Variants in PALS2 observed in about 807,000 individuals in gnomAD.
PALS2 encodes protein PALS2.
PALS2 carries 27 observed loss-of-function variants against 61.6 expected under a neutral mutation model. The observed-to-expected ratio is 0.44, with a 90% CI of 0.32 to 0.60. The LOEUF is 0.60. Ranked by LOEUF, PALS2 falls within the 20% of genes least tolerant of loss-of-function variation. The pLI is 0.05. For missense variants in PALS2, 554 were observed against 639.4 expected, an observed-to-expected ratio of 0.87 and a Z score of 1.44; for synonymous variants, 236 against 218.6, an observed-to-expected ratio of 1.08 and a Z score of -0.70.
intron 2 of PALS2, among the ~76,000 whole-genome samples, chr7:24,636,338 A>G (rs1380336950): frequency 1.3e-5 from 2 of 151,936 alleles, no homozygotes; most frequent in East Asian, 1.9e-4. Flanking sequence ...TCTCATTAGC[A>G]TGATGTGTTA....
chr7:24,669,968 A>G (rs1441521278), intron 9 of PALS2, among the ~76,000 whole-genome samples: 1 of 152,214 alleles, frequency 6.6e-6, no homozygotes, highest in Non-Finnish European at 1.5e-5. Flanking sequence ...TCTTAAAGAC[A>G]TATAATGGGG....
chr7:24,595,409 AT>A (rs956807293), intron 1 of PALS2, among the ~76,000 whole-genome samples: 3 of 142,164 alleles, frequency 2.1e-5, no homozygotes, highest in Non-Finnish European at 3.0e-5. Flanking sequence ...TATATAAAAA[AT>A]ATATATAAAT....
chr7:24,680,636 C>A, intron 11 of PALS2, 116 bp downstream of exon 11: 1 of 1,317,458 alleles, frequency 7.6e-7, no homozygotes, highest in Non-Finnish European at 1.0e-6. Flanking sequence ...TGCTTTGTCA[C>A]CCAGGCTGGA....
In PALS2 at chr7:24,690,973, T is replaced by C. The variant is rs1290069954; in HGVS notation, c.*3359T>C. 1.3e-5 allele frequency: 2 copies of C among 152,188 alleles called. No individual in the cohort carries two copies. The highest frequency in any genetic ancestry group is 4.8e-5 in the African/African-American group (2 of 41,454). 9.4% of individuals were successfully genotyped at this position (152,188 alleles called of 1,614,324 possible). ...AACCCAAGTTAGCAATAAAACCATG[T>C]GACATTATAGATTATGTCCAGATAC... On this transcript the variant is annotated 3_prime_UTR_variant, in exon 12 of 12. Coordinates refer to ENST00000222644, the MANE Select transcript of PALS2 (RefSeq NM_001303037.2).
At chr7:24,680,189 C>T (rs550087470) in intron 10 of PALS2, among the ~76,000 whole-genome samples, 1 of 152,246 alleles carries the variant, frequency 6.6e-6, no homozygotes, top group South Asian at 2.1e-4. Context: ...TCAAGAGGAA[C>T]AGACTGAGTT....
intron 1 of PALS2, among the ~76,000 whole-genome samples, chr7:24,615,594 TA>T (rs201505894): frequency 1.3e-5 from 2 of 150,162 alleles, no homozygotes; most frequent in African/African-American, 2.4e-5. Flanking sequence ...GAATCAGTAA[TA>T]AAAAAAAAGA....
chr7:24,659,093 A>AG (rs1289123911), intron 5 of PALS2, among the ~76,000 whole-genome samples: 2 of 152,322 alleles, frequency 1.3e-5, no homozygotes, highest in African/African-American at 4.8e-5. Context: ...TACAAGTGAG[A>AG]ACATGCAATA....
rs1037187808 is a variant in PALS2, at chr7:24,671,486, C to T, written c.1114+2826C>T. 2.6e-5 allele frequency among the ~76,000 whole-genome samples: 4 copies of T among 152,094 alleles called. No homozygotes were observed. The South Asian group carries it at 6.2e-4, about 24-fold the overall frequency. On this transcript the variant is annotated intron_variant, in intron 9 of 11. Coordinates refer to ENST00000222644, the MANE Select transcript of PALS2 (RefSeq NM_001303037.2). ...TTTCTCTCATTCTTTGTTGACTTCT[C>T]GTGTTTTTGATGGTGTCCTTTGATA...
rs140862186 is a variant in PALS2, at chr7:24,656,227, C to T, written c.651+5515C>T. On this transcript the variant is annotated intron_variant, in intron 5 of 11. Transcript: ENST00000222644. ...AGCCAACACATTCCCAAATGAATTA[C>T]TAGCCACCTTCTGATTTAACATCAG... Among the ~76,000 whole-genome samples, 61 of 152,310 alleles carry T rather than the reference C, an allele frequency of 4.0e-4. 1 individual carries two copies. The highest frequency in any genetic ancestry group is 3.4e-3 in the Middle Eastern group (1 of 294).
chr7:24,650,776 A>G, intron 5 of PALS2, 64 bp downstream of exon 5: 1 of 1,126,818 alleles, frequency 8.9e-7, no homozygotes, highest in Admixed American at 2.7e-5. Context: ...AGTGTTGGAA[A>G]TAACTATCAG....
intron 11 of PALS2, among the ~76,000 whole-genome samples, 164 bp downstream of exon 11, chr7:24,680,684 G>A (rs1019654318): frequency 2.0e-5 from 3 of 151,954 alleles, no homozygotes; most frequent in Admixed American, 6.6e-5. Flanking sequence ...CAACCTCCCC[G>A]TCCCGGGTTC....
intron 10 of PALS2, among the ~76,000 whole-genome samples, 190 bp from the exon 11 acceptor site, chr7:24,680,202 A>G (rs1393852170): frequency 6.6e-6 from 1 of 152,216 alleles, no homozygotes; most frequent in Non-Finnish European, 1.5e-5. Context: ...ACTGAGTTCA[A>G]AACAAAATAA....
rs553687246 is a variant in PALS2 at position 24,636,212 on chromosome 7, C to CAAAA, written c.118-5486_118-5483dup. Among the ~76,000 whole-genome samples the CAAAA allele has an allele frequency of 6.8e-3, 443 of 65,342 alleles. 2 individuals are homozygous for CAAAA. Among genetic ancestry groups the CAAAA allele is most frequent in the African/African-American group, 0.023 (404 of 17,386 alleles). 42.9% of individuals were successfully genotyped at this position (65,342 alleles called of 152,430 possible). On this transcript the variant is annotated intron_variant, in intron 2 of 11. Transcript: ENST00000222644. Reference sequence around the variant, plus strand: ...GGGCAACAAGAGCAAAACTCTATCTCAAAAAAAAAAAAAAAAAAAAAGTAT... The same window carrying CAAAA: ...GGGCAACAAGAGCAAAACTCTATCTCAAAAAAAAAAAAAAAAAAAAAAAAAGTAT...
intron 5 of PALS2, among the ~76,000 whole-genome samples, chr7:24,653,072 T>A (rs1786242442): frequency 6.6e-6 from 1 of 152,186 alleles, no homozygotes; most frequent in Non-Finnish European, 1.5e-5. Context: ...GGAACCAACA[T>A]GACCTGGACA....
chr7:24,660,332 C>A (rs538757458), intron 5 of PALS2, among the ~76,000 whole-genome samples: 36 of 152,178 alleles, frequency 2.4e-4, no homozygotes, highest in Non-Finnish European at 4.3e-4. Flanking sequence ...CTCATCCCCC[C>A]ACCAGTAACA....
intron 11 of PALS2, among the ~76,000 whole-genome samples, chr7:24,682,719 C>T (rs1787998028): frequency 1.3e-5 from 2 of 152,180 alleles, no homozygotes; most frequent in South Asian, 4.2e-4. Context: ...AGCAGACATC[C>T]CTTTAAATCT....
chr7:24,648,405 G>C (rs1785956880), intron 3 of PALS2, among the ~76,000 whole-genome samples: 1 of 147,456 alleles, frequency 6.8e-6, no homozygotes, highest in African/African-American at 2.5e-5. Context: ...CAGTTCTCCT[G>C]CCTCAGCCTC....
At chr7:24,591,572 T>G (rs1783287605) in intron 1 of PALS2, among the ~76,000 whole-genome samples, 1 of 152,148 alleles carries the variant, frequency 6.6e-6, no homozygotes, top group African/African-American at 2.4e-5. Context: ...CCACTAATTT[T>G]GTGTTAGAGA....
chr7:24,687,679 T>A lies in PALS2; in HGVS notation c.*65T>A. 1 of 1,454,642 alleles carries A rather than the reference T, an allele frequency of 6.9e-7. No homozygotes were observed. The highest frequency in any genetic ancestry group is 1.4e-5 in the South Asian group (1 of 72,732). 90.1% of individuals were successfully genotyped at this position (1,454,642 alleles called of 1,614,324 possible). Reference sequence around the variant, plus strand: ...AAGTGACTGCAACAAATAAACCTTCTACTGAGAAAATACATCACAGATAGA... The same window carrying A: ...AAGTGACTGCAACAAATAAACCTTCAACTGAGAAAATACATCACAGATAGA... On this transcript the variant is annotated 3_prime_UTR_variant, in exon 12 of 12. Transcript: ENST00000222644. The surrounding 1 kb of genome is among the most constrained non-coding windows in gnomAD (Gnocchi z 4.5).
Sources: gnomAD v4.1 joint callset for allele counts (sites outside exome capture counted in the v4.1 genomes callset) on GRCh38, gnomAD v4.1.1 for gene constraint, Gnocchi (gnomAD v3.1) non-coding constraint, MANE v1.5 for transcripts, NCBI Gene and HGNC (gene_info 2026-07-23, HGNC 2026-07-21) for gene names.